The following TF variants were observed in gnomAD, a reference collection of about 807,000 sequenced individuals.
TF encodes the protein serotransferrin.
TF carries 55 observed loss-of-function variants against 82.4 expected under a neutral mutation model. That is an observed-to-expected ratio of 0.67 (90% CI 0.54 to 0.84). The LOEUF is 0.84. Among genes scored for constraint, TF ranks in the 40% least tolerant of loss-of-function variants. The pLI, the probability that TF is intolerant of heterozygous loss-of-function variation, is 0.00. For missense variants in TF, 737 were observed against 868.4 expected, an observed-to-expected ratio of 0.85 and a Z score of 1.90; for synonymous variants, 332 against 332.6, an observed-to-expected ratio of 1.00 and a Z score of 0.02.
intron 4 of TF, 152 bp downstream of exon 4, chr3:133,754,823 C>T (rs1437789770): frequency 5.7e-6 from 5 of 878,670 alleles, no homozygotes; most frequent in African/African-American, 1.6e-5. Context: ...AGGTCTGCTG[C>T]ACCAGCAGCA....
the TF span, chr3:133,665,013 T>C: frequency 2.0e-5 from 3 of 152,256 alleles, no homozygotes; most frequent in African/African-American, 7.2e-5. Flanking sequence ...ACATGCAAAT[T>C]TGTGAAGCAT....
the TF span, among the ~76,000 whole-genome samples, chr3:133,729,603 G>T: frequency 1.9e-4 from 29 of 152,208 alleles, no homozygotes; most frequent in Admixed American, 8.5e-4. Context: ...CTGACCCCTT[G>T]CACTTCCCGA....
At chr3:133,695,849 G>A in the TF span, among the ~76,000 whole-genome samples, 1 of 152,180 alleles carries the variant, frequency 6.6e-6, no homozygotes, top group Non-Finnish European at 1.5e-5. Flanking sequence ...TCTGATCACT[G>A]AGAAGGCTAC....
At position 133,764,252 on chromosome 3, in the gene TF, C is replaced by T. The variant is rs1156305720; in HGVS notation, c.1274C>T (p.Pro425Leu). The T allele has an allele frequency of 2.5e-6, 4 of 1,613,942 alleles. No individual in the cohort carries two copies. Among genetic ancestry groups the T allele is most frequent in the South Asian group, 1.1e-5 (1 of 91,076 alleles). Residue 425 changes from proline (P) to leucine (L), a missense_variant, in exon 10 of 17, where the codon CCT (proline) becomes CTT (leucine). Transcript: ENST00000402696. Reference sequence around the variant, plus strand: ...ATAGCGGGCAAGTGTGGTCTGGTGCCTGTCTTGGCAGAAAACTACAATAGT... The same window carrying T: ...ATAGCGGGCAAGTGTGGTCTGGTGCTTGTCTTGGCAGAAAACTACAATAGT... ...VYIAGKCGLV[P>L]VLAENYNKSD...
the TF span, chr3:133,699,546 G>C: frequency 1.2e-6 from 1 of 855,090 alleles, no homozygotes; most frequent in Non-Finnish European, 1.8e-6. Flanking sequence ...TTTGGCCTGG[G>C]TCCTTTCTCA....
At chr3:133,700,763 T>A in the TF span, 2 of 152,620 alleles carry the variant, frequency 1.3e-5, no homozygotes. Flanking sequence ...TTGGCCACCA[T>A]CTTCACCCTC....
At chr3:133,699,718 C>T in the TF span, 2 of 417,710 alleles carry the variant, frequency 4.8e-6, no homozygotes, top group Non-Finnish European at 9.5e-6. Flanking sequence ...TTCTGGAAGT[C>T]CTGGTATGTT....
At chr3:133,771,112 C>T (rs978971244) in intron 14 of TF, among the ~76,000 whole-genome samples, 6 of 152,098 alleles carry the variant, frequency 3.9e-5, no homozygotes, top group African/African-American at 7.2e-5. Context: ...AACCAGAACT[C>T]CTTGGAAAAA....
intron 9 of TF, among the ~76,000 whole-genome samples, chr3:133,762,742 C>A (rs184652474): frequency 1.3e-5 from 2 of 152,242 alleles, no homozygotes; most frequent in South Asian, 2.1e-4. Flanking sequence ...ACCCATGAAT[C>A]CTGAAACTGG....
the TF span, among the ~76,000 whole-genome samples, chr3:133,679,569 C>CTTTTTTTTTTTT: frequency 7.0e-4 from 53 of 75,378 alleles, 1 homozygote; most frequent in East Asian, 2.3e-3. Flanking sequence ...CTTTGTTTGG[C>CTTTTTTTTTTTT]TTTTTTTTTT....
the TF span, among the ~76,000 whole-genome samples, chr3:133,670,616 G>T: frequency 6.6e-6 from 1 of 152,092 alleles, no homozygotes; most frequent in Non-Finnish European, 1.5e-5. Context: ...ACTTTATTTG[G>T]TTTTTGTCCA....
the TF span, among the ~76,000 whole-genome samples, chr3:133,689,207 C>G: frequency 6.6e-6 from 1 of 152,086 alleles, no homozygotes; most frequent in African/African-American, 2.4e-5. Flanking sequence ...GTGGCACACA[C>G]CTGTAGTCCC....
the TF span, among the ~76,000 whole-genome samples, chr3:133,705,274 CAAA>C: frequency 1.5e-4 from 21 of 137,710 alleles, no homozygotes; most frequent in East Asian, 2.2e-4. Context: ...AACTCCATCT[CAAA>C]AAAAAAAAAA....
At chr3:133,681,738 G>A in the TF span, among the ~76,000 whole-genome samples, 1 of 152,214 alleles carries the variant, frequency 6.6e-6, no homozygotes, top group Admixed American at 6.5e-5. Flanking sequence ...GCAGCTCAAG[G>A]AGGCCTGCCT....
At position 133,795,346 on chromosome 3, in the gene TF, C is replaced by T. The variant is rs7355929; in HGVS notation, c.*16726C>T. The T allele has an allele frequency of 0.34, 51,311 of 151,928 alleles. 8,813 individuals are homozygous for T. The highest frequency in any genetic ancestry group is 0.38 in the Middle Eastern group (112 of 294). 9.4% of individuals were successfully genotyped at this position (151,928 alleles called of 1,614,324 possible). A position where few individuals can be genotyped will look rare whatever the true frequency, so the allele number is the denominator to read the frequency against. ...TCCCTGGTGTGCTGTATTCTCTCAA[C>T]GGTTTTAAATGTTTGCATGCTGCCA... On this transcript the variant is annotated 3_prime_UTR_variant, in exon 17 of 17. Coordinates refer to ENST00000402696, the MANE Select transcript of TF (RefSeq NM_001063.4).
At chr3:133,715,317 C>A in the TF span, among the ~76,000 whole-genome samples, 1 of 152,302 alleles carries the variant, frequency 6.6e-6, no homozygotes, top group East Asian at 1.9e-4. Flanking sequence ...AATTCTACAA[C>A]ACCCTGCTGC....
the TF span, among the ~76,000 whole-genome samples, chr3:133,673,968 C>T: frequency 6.6e-6 from 1 of 152,160 alleles, no homozygotes; most frequent in Non-Finnish European, 1.5e-5. Flanking sequence ...CTGACCTTGG[C>T]CTCCCGGAGC....
chr3:133,684,553 C>T, the TF span, among the ~76,000 whole-genome samples: 2 of 152,148 alleles, frequency 1.3e-5, no homozygotes, highest in Non-Finnish European at 2.9e-5. Context: ...ATACAAACTA[C>T]CATCAGAGAA....
At chr3:133,752,240 G>A (rs1933695749) in intron 2 of TF, among the ~76,000 whole-genome samples, 1 of 151,802 alleles carries the variant, frequency 6.6e-6, no homozygotes, top group Non-Finnish European at 1.5e-5. Context: ...TTACAGGCAT[G>A]TGCCACCAAG....
Sources: allele counts gnomAD v4.1 joint callset (sites outside exome capture counted in the v4.1 genomes callset), GRCh38; gene constraint gnomAD v4.1.1; transcripts MANE v1.5; gene names NCBI Gene and HGNC (gene_info 2026-07-23, HGNC 2026-07-21).